The following SLC41A2 variants were observed in gnomAD, a reference collection of about 807,000 sequenced individuals.
SLC41A2 encodes SLC41A1-like 1.
Under a neutral mutation model 58.3 loss-of-function variants are expected in SLC41A2, and 32 were observed. The ratio of observed to expected loss-of-function variants is 0.55; its 90% CI spans 0.41 to 0.74. SLC41A2 has a LOEUF of 0.74. Ranked by LOEUF, SLC41A2 falls within the 30% of genes least tolerant of loss-of-function variation. SLC41A2 has a pLI of 0.00. For synonymous variants in SLC41A2, 190 were observed against 235.0 expected, an observed-to-expected ratio of 0.81 and a Z score of 1.75; for missense variants, 514 against 680.6, an observed-to-expected ratio of 0.76 and a Z score of 2.72.
At chr12:104,852,843 T>C (rs547173416) in intron 8 of SLC41A2, among the ~76,000 whole-genome samples, 1 of 152,292 alleles carries the variant, frequency 6.6e-6, no homozygotes, top group East Asian at 1.9e-4. Context: ...TTTTCTTTAA[T>C]GTCAAAAAAT....
chr12:104,848,903 C>CAA (rs1427190428), intron 8 of SLC41A2, among the ~76,000 whole-genome samples: 1 of 151,736 alleles, frequency 6.6e-6, no homozygotes, highest in Non-Finnish European at 1.5e-5. Flanking sequence ...TAACCACACA[C>CAA]ACACACACAC....
At chr12:104,946,746 G>C (rs2047733455) in intron 1 of SLC41A2, among the ~76,000 whole-genome samples, 1 of 152,192 alleles carries the variant, frequency 6.6e-6, no homozygotes, top group South Asian at 2.1e-4. Context: ...TTTTACGGGG[G>C]AATTTCAAGT....
At chr12:104,943,663 CG>C (rs1332325175) in intron 1 of SLC41A2, among the ~76,000 whole-genome samples, 1 of 152,238 alleles carries the variant, frequency 6.6e-6, no homozygotes, top group East Asian at 1.9e-4. Flanking sequence ...GCAGTTAGAG[CG>C]GTCATCGGCC....
At chr12:104,946,832 G>C (rs544990160) in intron 1 of SLC41A2, among the ~76,000 whole-genome samples, 1 of 152,080 alleles carries the variant, frequency 6.6e-6, no homozygotes, top group African/African-American at 2.4e-5. Flanking sequence ...AAGAAGTGTC[G>C]ACACACTAAT....
Position 104,928,042 on chromosome 12 carries a change from T to C in SLC41A2, c.486A>G (p.Gln162=). The C allele has an allele frequency of 6.2e-7, 1 of 1,614,122 alleles. No individual in the cohort carries two copies. The highest frequency in any genetic ancestry group is 8.5e-7 in the Non-Finnish European group (1 of 1,179,994). The change falls in exon 2 of 11, where the codon CAA becomes CAG. Residue 162 remains glutamine, a synonymous_variant. Coordinates refer to ENST00000258538, the MANE Select transcript of SLC41A2 (RefSeq NM_001352171.3). ...CAGCTAGCAAAAAGGGCACAAGTAT[T>C]TGCAATGCCATGATGCCACTGGATT... The part of the protein sequence containing the change: ...PKESSGIMAL[Q]ILVPFLLAGF...
At chr12:104,941,368 G>GAAGT (rs145858782) in intron 1 of SLC41A2, among the ~76,000 whole-genome samples, 5,818 of 152,216 alleles carry the variant, frequency 0.038, 151 homozygotes, top group East Asian at 0.1. Context: ...TAAGCCTACA[G>GAAGT]AATAATGGAT....
At chr12:104,952,546 C>T (rs1246454111) in intron 1 of SLC41A2, among the ~76,000 whole-genome samples, 3 of 152,072 alleles carry the variant, frequency 2.0e-5, no homozygotes, top group African/African-American at 4.8e-5. Flanking sequence ...AATCAGGCCC[C>T]GATTAGAACT....
intron 10 of SLC41A2, among the ~76,000 whole-genome samples, chr12:104,809,543 G>A (rs1030894788): frequency 6.6e-6 from 1 of 152,174 alleles, no homozygotes; most frequent in Non-Finnish European, 1.5e-5. Flanking sequence ...CACTGGTAGA[G>A]ACTGTTTTGG....
chr12:104,905,960 C>G (rs1490870702), intron 3 of SLC41A2, among the ~76,000 whole-genome samples: 1 of 152,244 alleles, frequency 6.6e-6, no homozygotes, highest in Non-Finnish European at 1.5e-5. Flanking sequence ...AAGGGGCTCC[C>G]ACAGTGCAGT....
At chr12:104,950,672 A>G (rs1040113407) in intron 1 of SLC41A2, among the ~76,000 whole-genome samples, 7 of 152,132 alleles carry the variant, frequency 4.6e-5, no homozygotes, top group African/African-American at 1.7e-4. Flanking sequence ...CTAAGCCTTT[A>G]TTTTTAATGC....
chr12:104,860,050 T>C (rs1395934598), intron 8 of SLC41A2, among the ~76,000 whole-genome samples: 2 of 152,172 alleles, frequency 1.3e-5, no homozygotes, highest in African/African-American at 4.8e-5. Context: ...ACTGACATAT[T>C]TTCTTTTTAC....
intron 10 of SLC41A2, among the ~76,000 whole-genome samples, chr12:104,838,629 CTT>C (rs1382376380): frequency 6.6e-6 from 1 of 152,058 alleles, no homozygotes; most frequent in Non-Finnish European, 1.5e-5. Flanking sequence ...GTGGTTAAAA[CTT>C]ATATTGTCTG....
At chr12:104,895,580 G>C (rs566782596) in intron 3 of SLC41A2, among the ~76,000 whole-genome samples, 189 of 152,190 alleles carry the variant, frequency 1.2e-3, no homozygotes, top group African/African-American at 4.5e-3. Context: ...ACAAGAACTA[G>C]TGGACCCATT....
At chr12:104,906,744 C>T (rs946808325) in intron 3 of SLC41A2, among the ~76,000 whole-genome samples, 7 of 152,092 alleles carry the variant, frequency 4.6e-5, no homozygotes, top group Admixed American at 1.3e-4. Context: ...CTTTTAACGA[C>T]GAACGCATTT....
chr12:104,818,533 A>G (rs7960343), intron 10 of SLC41A2, among the ~76,000 whole-genome samples: 6,629 of 152,238 alleles, frequency 0.044, 273 homozygotes, highest in African/African-American at 0.095. Flanking sequence ...ATAAATATGT[A>G]GGATAGTAAT....
chr12:104,810,727 G>A (rs147034012), intron 10 of SLC41A2, among the ~76,000 whole-genome samples: 5 of 152,202 alleles, frequency 3.3e-5, no homozygotes, highest in African/African-American at 1.2e-4. Flanking sequence ...AAATTGAGTC[G>A]GAGAGGTTAA....
chr12:104,916,429 C>T (rs576346716), intron 2 of SLC41A2, among the ~76,000 whole-genome samples: 17 of 152,132 alleles, frequency 1.1e-4, no homozygotes, highest in Non-Finnish European at 2.1e-4. Flanking sequence ...ATGCCATCCC[C>T]ATCAAGCTAC....
intron 10 of SLC41A2, among the ~76,000 whole-genome samples, chr12:104,806,745 A>ATGAT (rs1414716585): frequency 2.0e-5 from 3 of 151,904 alleles, no homozygotes; most frequent in Admixed American, 1.3e-4. Context: ...TGACTTTTTA[A>ATGAT]TGATTGCCAT....
At chr12:104,813,137 C>T (rs564041369) in intron 10 of SLC41A2, among the ~76,000 whole-genome samples, 2 of 152,062 alleles carry the variant, frequency 1.3e-5, no homozygotes, top group East Asian at 3.9e-4. Context: ...TGAGATTGTG[C>T]CACTGCACTC....
Sources: gnomAD v4.1 joint callset for allele counts (sites outside exome capture counted in the v4.1 genomes callset) on GRCh38, gnomAD v4.1.1 for gene constraint, MANE v1.5 for transcripts, NCBI Gene and HGNC (gene_info 2026-07-23, HGNC 2026-07-21) for gene names.